CSNK1G1: variants seen among roughly 807,000 people sequenced by gnomAD.
The protein encoded by CSNK1G1 is casein kinase 1 gamma 1, also known as casein kinase I isoform gamma-1.
CSNK1G1 carries 22 observed loss-of-function variants against 59.6 expected under a neutral mutation model. The ratio of observed to expected loss-of-function variants is 0.37; its 90% CI spans 0.26 to 0.53. CSNK1G1 has a LOEUF of 0.53. Among genes scored for constraint, CSNK1G1 ranks in the 20% least tolerant of loss-of-function variants. The probability of loss-of-function intolerance (pLI) is 0.89; values close to 1 mark genes in which losing one functional copy is unlikely to be tolerated. For synonymous variants in CSNK1G1, 179 were observed against 177.1 expected (o/e 1.01, Z -0.08); for missense variants, 384 against 519.5 (o/e 0.74, Z 2.54).
Position 64,188,486 on chromosome 15 carries a change from C to T in CSNK1G1, c.1108-8032G>A, listed in dbSNP as rs2081927389. 2 of 1,535,332 alleles carry T rather than the reference C, an allele frequency of 1.3e-6. No individual in the cohort carries two copies. The highest frequency in any genetic ancestry group is 1.7e-6 in the Non-Finnish European group (2 of 1,146,334). On this transcript the variant is annotated intron_variant, in intron 10 of 11. Coordinates refer to ENST00000303052, the MANE Select transcript of CSNK1G1 (RefSeq NM_022048.5). This position sits in a 1 kb window ranked among gnomAD's most constrained non-coding sequence, Gnocchi z 4.2. ...CTCCTCGGCGCTCTGATGATACATTCTGCTTAGGCGTTAGAAAGCATGAGA... is the reference window on the plus strand; with the variant it reads ...CTCCTCGGCGCTCTGATGATACATTTTGCTTAGGCGTTAGAAAGCATGAGA...
rs1263173128 is a variant in CSNK1G1, at chr15:64,216,682, T to C, written c.324A>G (p.Gly108=). The C allele has an allele frequency of 1.2e-6, 2 of 1,613,880 alleles. No individual in the cohort carries two copies. Among genetic ancestry groups the C allele is most frequent in the Non-Finnish European group, 1.7e-6 (2 of 1,179,968 alleles). ...GEGLPQVYYF[G]PCGKYNAMVL... is the part of the protein sequence containing the mutation. ...CCATGGCATTATATTTCCCACATGG[T>C]CCAAAGTAATACACCTGTGGGAGAC... The change falls in exon 5 of 12, where the codon GGA becomes GGG. Residue 108 remains glycine (G), a synonymous_variant. Transcript: ENST00000303052. The surrounding 1 kb of genome is among the most constrained non-coding windows in gnomAD (Gnocchi z 4.6).
chr15:64,344,520 T>C (rs1379158843), intron 1 of CSNK1G1, among the ~76,000 whole-genome samples: 1 of 152,214 alleles, frequency 6.6e-6, no homozygotes, highest in African/African-American at 2.4e-5. Flanking sequence ...GGCTGATTTC[T>C]ATCTGGAACG....
In CSNK1G1 at chr15:64,292,568, C is replaced by T. The variant is rs76921714; in HGVS notation, c.181+7751G>A. Among the ~76,000 whole-genome samples, 572 of 152,290 alleles carry T rather than the reference C, an allele frequency of 3.8e-3. 5 individuals are homozygous for T. The highest frequency in any genetic ancestry group is 0.013 in the African/African-American group (548 of 41,550). On this transcript the variant is annotated intron_variant, in intron 2 of 11. Coordinates refer to ENST00000303052, the MANE Select transcript of CSNK1G1 (RefSeq NM_022048.5). ...TAATATGAATATTATTAAAATCATA[C>T]GCCTGTCTCTCTAGTCTAACAGGTC...
chr15:64,227,740 A>C, intron 4 of CSNK1G1, among the ~76,000 whole-genome samples: 1 of 152,220 alleles, frequency 6.6e-6, no homozygotes. Flanking sequence ...GGAAGTACTA[A>C]AGACCCCATT....
chr15:64,292,335 C>G (rs1164400438), intron 2 of CSNK1G1, among the ~76,000 whole-genome samples: 1 of 152,104 alleles, frequency 6.6e-6, no homozygotes, highest in Non-Finnish European at 1.5e-5. Context: ...AAGTGTCTTA[C>G]TTTAGAAGCC....
Position 64,214,214 on chromosome 15 carries a change from A to G in CSNK1G1, c.445-90T>C, listed in dbSNP as rs2082282897. On this transcript the variant is annotated intron_variant, in intron 5 of 11. Transcript: ENST00000303052. The surrounding 1 kb of genome is among the most constrained non-coding windows in gnomAD (Gnocchi z 4.3). The stretch of plus-strand genomic sequence containing the variant: ...TTTCTTTAGCCAGACCAAGGTTTTA[A>G]TTATTGAAATAACAGTAAAATTCAT... 1 of 928,052 alleles carries G rather than the reference A, an allele frequency of 1.1e-6. No individual in the cohort carries two copies. The highest frequency in any genetic ancestry group is 1.5e-5 in the South Asian group (1 of 68,004). The allele number at this position is 928,052 out of a possible 1,614,324, so 57.5% of individuals were successfully genotyped here. A position where few individuals can be genotyped will look rare whatever the true frequency, so the allele number is the denominator to read the frequency against.
At chr15:64,275,763 T>C (rs1460855430) in intron 2 of CSNK1G1, among the ~76,000 whole-genome samples, 1 of 152,130 alleles carries the variant, frequency 6.6e-6, no homozygotes, top group Non-Finnish European at 1.5e-5. Context: ...AAAAAATATA[T>C]AAAATAAAAA....
At chr15:64,347,881 C>A (rs1898064309) in intron 1 of CSNK1G1, among the ~76,000 whole-genome samples, 1 of 151,850 alleles carries the variant, frequency 6.6e-6, no homozygotes, top group Admixed American at 6.6e-5. Flanking sequence ...TGGCATGTGC[C>A]TGTAATCCCA....
At chr15:64,199,451 AC>A (rs2082080404) in intron 10 of CSNK1G1, among the ~76,000 whole-genome samples, 1 of 152,174 alleles carries the variant, frequency 6.6e-6, no homozygotes, top group African/African-American at 2.4e-5. Flanking sequence ...TTTTACCCTG[AC>A]AACCGAAGTT....
In CSNK1G1 at chr15:64,182,747, G is replaced by A. The variant is rs544061802; in HGVS notation, c.1108-2293C>T. Among the ~76,000 whole-genome samples the A allele has an allele frequency of 4.6e-5, 7 of 152,232 alleles. No individual in the cohort carries two copies. The South Asian group carries it at 6.2e-4, about 14-fold the overall frequency. On this transcript the variant is annotated intron_variant, in intron 10 of 11. Coordinates refer to ENST00000303052, the MANE Select transcript of CSNK1G1 (RefSeq NM_022048.5). ...CACTCATAGATTTAAAGCAAATATG[G>A]CAAAATCTTAATAATTCGTTCAGCA...
intron 2 of CSNK1G1, among the ~76,000 whole-genome samples, chr15:64,271,200 C>G (rs984117538): frequency 2.6e-5 from 4 of 152,130 alleles, no homozygotes; most frequent in Non-Finnish European, 5.9e-5. Flanking sequence ...GTTGGCCAGG[C>G]TGGTCTTGAA....
intron 2 of CSNK1G1, among the ~76,000 whole-genome samples, chr15:64,288,570 A>G (rs868335551): frequency 7.9e-5 from 12 of 151,284 alleles, no homozygotes; most frequent in Middle Eastern, 3.4e-3. Context: ...ATATGTGTGT[A>G]TGTGTGTGTG....
chr15:64,290,091 A>G (rs1596228150), intron 2 of CSNK1G1, among the ~76,000 whole-genome samples: 1 of 152,172 alleles, frequency 6.6e-6, no homozygotes, highest in African/African-American at 2.4e-5. Context: ...GAGAAGAGAG[A>G]ACACTTATAC....
chr15:64,218,871 TTTA>T (rs1378705188), intron 4 of CSNK1G1, among the ~76,000 whole-genome samples: 3 of 150,968 alleles, frequency 2.0e-5, no homozygotes, highest in African/African-American at 7.3e-5. Flanking sequence ...TTTTTTTTTT[TTTA>T]CATGGAGTTT....
In CSNK1G1 at chr15:64,266,770, T is replaced by C. The variant is rs774423019; in HGVS notation, c.182-7529A>G. Among the ~76,000 whole-genome samples, 9 of 152,076 alleles carry C rather than the reference T, an allele frequency of 5.9e-5. 1 individual carries two copies. The highest frequency in any genetic ancestry group is 1.9e-4 in the African/African-American group (8 of 41,408). ...CAAGAATATACACTGGGGAAAACAGTCTCTTCAATAAATGGTACTAGGAAA... is the reference window on the plus strand; with the variant it reads ...CAAGAATATACACTGGGGAAAACAGCCTCTTCAATAAATGGTACTAGGAAA... On this transcript the variant is annotated intron_variant, in intron 2 of 11. Coordinates refer to ENST00000303052, the MANE Select transcript of CSNK1G1 (RefSeq NM_022048.5).
At chr15:64,336,747 A>G (rs756085854) in intron 1 of CSNK1G1, among the ~76,000 whole-genome samples, 1 of 152,210 alleles carries the variant, frequency 6.6e-6, no homozygotes, top group Non-Finnish European at 1.5e-5. Context: ...CAGTTCATGG[A>G]AAACTCAGTT....
At chr15:64,271,133 A>G (rs982344890) in intron 2 of CSNK1G1, among the ~76,000 whole-genome samples, 5 of 151,934 alleles carry the variant, frequency 3.3e-5, no homozygotes, top group African/African-American at 9.7e-5. Flanking sequence ...GACTACAGGC[A>G]TGTACCACCA....
rs1251943410 is a variant in CSNK1G1 at position 64,188,933 on chromosome 15, C to T, written c.1108-8479G>A. Among the ~76,000 whole-genome samples, 2 of 152,114 alleles carry T rather than the reference C, an allele frequency of 1.3e-5. No homozygotes were observed. The highest frequency in any genetic ancestry group is 2.9e-5 in the Non-Finnish European group (2 of 68,018). Reference sequence around the variant, plus strand: ...ACGAGGTCTGGAGTTCGAGACCAGCCTGACCAACATGGTGAAAGCCTGTCT... The same window carrying T: ...ACGAGGTCTGGAGTTCGAGACCAGCTTGACCAACATGGTGAAAGCCTGTCT... On this transcript the variant is annotated intron_variant, in intron 10 of 11. Transcript: ENST00000303052. This position sits in a 1 kb window ranked among gnomAD's most constrained non-coding sequence, Gnocchi z 4.2.
At chr15:64,315,586 G>A (rs987212911) in intron 1 of CSNK1G1, 1 of 152,198 alleles carries the variant, frequency 6.6e-6, no homozygotes, top group Admixed American at 6.5e-5. Flanking sequence ...GAGCCTCACA[G>A]AATTATGTTC....
Sources: allele counts gnomAD v4.1 joint callset (sites outside exome capture counted in the v4.1 genomes callset), GRCh38; gene constraint gnomAD v4.1.1; non-coding constraint Gnocchi (gnomAD v3.1); transcripts MANE v1.5; gene names NCBI Gene and HGNC (gene_info 2026-07-23, HGNC 2026-07-21).